The following GLRA2 variants were observed in gnomAD, a reference collection of about 807,000 sequenced individuals.
The protein encoded by GLRA2 is glycine receptor subunit alpha-2.
Under a neutral mutation model 31.6 loss-of-function variants are expected in GLRA2, and 11 were observed. That is an observed-to-expected ratio of 0.35 (90% CI 0.22 to 0.58). The LOEUF (loss-of-function observed/expected upper bound fraction) is 0.58. Ranked by LOEUF, GLRA2 falls within the 20% of genes least tolerant of loss-of-function variation. GLRA2 has a pLI of 0.84. For missense variants in GLRA2, 212 were observed against 351.8 expected (o/e 0.60, Z 3.18); for synonymous variants, 132 against 134.0 (o/e 0.99, Z 0.10).
chrX:14,518,269 C>A, the GLRA2 span, among the ~76,000 whole-genome samples: 24 of 111,823 alleles, frequency 2.1e-4, no homozygotes, highest in Non-Finnish European at 3.2e-4. Context: ...TACATTATGG[C>A]AAGAGCATAA....
chrX:14,546,007 T>A lies in GLRA2; in HGVS notation c.202+13635T>A, dbSNP rs751277065. The stretch of plus-strand genomic sequence containing the variant: ...CCCTGGCACTGAAAATTTCACTTTT[T>A]TCAGAGGCCTTTTTAAATAGATGAA... On this transcript the variant is annotated intron_variant, in intron 2 of 8. Transcript: ENST00000218075. Among the ~76,000 whole-genome samples the A allele has an allele frequency of 9.0e-5, 10 of 111,484 alleles. No homozygotes were observed. In the East Asian group the frequency reaches 2.8e-3, roughly 32 times the overall value.
chrX:14,670,061 C>T (rs964434325), intron 7 of GLRA2, among the ~76,000 whole-genome samples: 15 of 111,660 alleles, frequency 1.3e-4, no homozygotes, highest in African/African-American at 3.9e-4. Flanking sequence ...TACAAGATAC[C>T]CTAAATCATC....
rs777698934 is a variant in GLRA2, at chrX:14,698,031, C to T, written c.1080+7172C>T. On this transcript the variant is annotated intron_variant, in intron 8 of 8. Transcript: ENST00000218075. ...AAATTAACTAATAACAATGAAGATACTGTTCTTATCTCAATTTACAGATGA... is the reference window on the plus strand; with the variant it reads ...AAATTAACTAATAACAATGAAGATATTGTTCTTATCTCAATTTACAGATGA... 9.9e-5 allele frequency among the ~76,000 whole-genome samples: 11 copies of T among 111,585 alleles called. No homozygotes were observed. The South Asian group carries it at 4.2e-3, about 42-fold the overall frequency.
intron 8 of GLRA2, among the ~76,000 whole-genome samples, chrX:14,691,593 A>G (rs1013141385): frequency 2.7e-5 from 3 of 111,280 alleles, no homozygotes; most frequent in African/African-American, 9.8e-5. Flanking sequence ...TATTTTAAAA[A>G]TCCCAAGCCT....
chrX:14,667,359 G>A (rs1393870866), intron 7 of GLRA2, among the ~76,000 whole-genome samples: 1 of 111,309 alleles, frequency 9.0e-6, no homozygotes, highest in Non-Finnish European at 1.9e-5. Flanking sequence ...AGGCTTTCTG[G>A]GCTTAAAGTT....
At chrX:14,480,573 A>G in the GLRA2 span, among the ~76,000 whole-genome samples, 1 of 111,775 alleles carries the variant, frequency 8.9e-6, no homozygotes, top group Non-Finnish European at 1.9e-5. Context: ...ATCCTTCTGC[A>G]TATAGCGAGC....
chrX:14,486,015 T>C, the GLRA2 span, among the ~76,000 whole-genome samples: 1 of 112,042 alleles, frequency 8.9e-6, no homozygotes, highest in Non-Finnish European at 1.9e-5. Context: ...TCTGGCTCCT[T>C]TATTCCAACA....
At chrX:14,466,824 GATAGCTGCAAGGAA>G in the GLRA2 span, among the ~76,000 whole-genome samples, 1 of 112,260 alleles carries the variant, frequency 8.9e-6, no homozygotes, top group Non-Finnish European at 1.9e-5. Flanking sequence ...GTCCCAGTAA[GATAGCTGCAAGGAA>G]ATTACAACGT....
intron 7 of GLRA2, among the ~76,000 whole-genome samples, chrX:14,620,458 G>A (rs2090502830): frequency 9.0e-6 from 1 of 110,514 alleles, no homozygotes. Flanking sequence ...CAGAAAATTA[G>A]CACCTTTTTC....
chrX:14,575,353 A>C (rs2089942674), intron 3 of GLRA2, among the ~76,000 whole-genome samples: 1 of 110,678 alleles, frequency 9.0e-6, no homozygotes, highest in Non-Finnish European at 1.9e-5. Flanking sequence ...GGTGCACGCC[A>C]CCATGCCCAG....
chrX:14,556,733 T>A (rs775521371), intron 2 of GLRA2, among the ~76,000 whole-genome samples: 1 of 112,130 alleles, frequency 8.9e-6, no homozygotes, highest in Non-Finnish European at 1.9e-5. Flanking sequence ...TAGAAAAGGC[T>A]TAGTAAAAAT....
At chrX:14,601,906 G>T (rs1339489219) in intron 4 of GLRA2, among the ~76,000 whole-genome samples, 1 of 111,513 alleles carries the variant, frequency 9.0e-6, no homozygotes, top group African/African-American at 3.2e-5. Context: ...GGATATAAAA[G>T]GTGTTTGAGA....
intron 3 of GLRA2, among the ~76,000 whole-genome samples, chrX:14,580,675 T>C (rs1471418993): frequency 8.9e-6 from 1 of 112,258 alleles, no homozygotes; most frequent in African/African-American, 3.2e-5. Flanking sequence ...TCTTAATGTT[T>C]ACGTTGATAA....
the GLRA2 span, among the ~76,000 whole-genome samples, chrX:14,514,445 A>G: frequency 3.6e-5 from 4 of 111,535 alleles, no homozygotes; most frequent in Non-Finnish European, 7.5e-5. Flanking sequence ...AAGAAACATT[A>G]AAGGCACAAA....
At chrX:14,534,559 G>T (rs1323381467) in intron 2 of GLRA2, among the ~76,000 whole-genome samples, 1 of 110,489 alleles carries the variant, frequency 9.1e-6, no homozygotes, top group African/African-American at 3.3e-5. Flanking sequence ...TGTCTAATAT[G>T]ATCCTTCTAC....
chrX:14,470,012 AAG>A, the GLRA2 span, among the ~76,000 whole-genome samples: 2 of 111,316 alleles, frequency 1.8e-5, no homozygotes, highest in Non-Finnish European at 3.8e-5. Context: ...TGCAATGATT[AAG>A]AGAGTCACAA....
At chrX:14,463,278 G>C in the GLRA2 span, among the ~76,000 whole-genome samples, 3 of 111,490 alleles carry the variant, frequency 2.7e-5, no homozygotes, top group African/African-American at 9.8e-5. Flanking sequence ...CTACTGGGGG[G>C]TGTCTCCCAG....
intron 7 of GLRA2, among the ~76,000 whole-genome samples, chrX:14,612,866 C>T (rs774130031): frequency 7.3e-5 from 8 of 109,195 alleles, no homozygotes; most frequent in Non-Finnish European, 1.1e-4. Flanking sequence ...AGGAGAAATA[C>T]CTAGTGTAGA....
the GLRA2 span, among the ~76,000 whole-genome samples, chrX:14,469,027 A>C: frequency 9.1e-6 from 1 of 109,842 alleles, no homozygotes; most frequent in African/African-American, 3.3e-5. Flanking sequence ...TTTTTTTCTT[A>C]TAAATTTGTT....
Sources: gnomAD v4.1 joint callset for allele counts (sites outside exome capture counted in the v4.1 genomes callset) on GRCh38, gnomAD v4.1.1 for gene constraint, MANE v1.5 for transcripts, NCBI Gene and HGNC (gene_info 2026-07-23, HGNC 2026-07-21) for gene names.